The following VPS13C variants were observed in gnomAD, a reference collection of about 807,000 sequenced individuals.
VPS13C encodes vacuolar protein sorting 13 homolog C.
A neutral mutation model predicts 456.8 loss-of-function variants in VPS13C; 358 were observed. The ratio of observed to expected loss-of-function variants is 0.78; its 90% CI spans 0.72 to 0.86. The LOEUF is 0.86. VPS13C is among the 40% of genes least tolerant of loss of function. The pLI is 0.00. For synonymous variants in VPS13C, 1,578 were observed against 1,486.7 expected (o/e 1.06, Z -1.41); for missense variants, 4,818 against 4,385.4 (o/e 1.10, Z -2.79).
intron 6 of VPS13C, among the ~76,000 whole-genome samples, chr15:62,024,622 G>A (rs2047572674): frequency 6.6e-6 from 1 of 152,014 alleles, no homozygotes; most frequent in Non-Finnish European, 1.5e-5. Context: ...CCAGATTGAT[G>A]TCTTTTAAAA....
intron 24 of VPS13C, 56 bp from the exon 25 acceptor site, chr15:61,974,473 A>G: frequency 6.4e-7 from 1 of 1,572,164 alleles, no homozygotes; most frequent in Middle Eastern, 1.7e-4. Context: ...AAACGAGGGA[A>G]AGAATTGCAT....
At chr15:62,009,427 C>T (rs570578558) in intron 13 of VPS13C, among the ~76,000 whole-genome samples, 1 of 151,612 alleles carries the variant, frequency 6.6e-6, no homozygotes, top group African/African-American at 2.4e-5. Context: ...GCAGTTCTAA[C>T]TAAAGGTTAC....
At position 61,964,747 on chromosome 15, in the gene VPS13C, C is replaced by T. The variant is rs369193687; in HGVS notation, c.3166G>A (p.Val1056Ile). ...TGTTGTTTTTCAGTTGAAATTTGTA[C>T]CTCCTTAGCAACACTTATGCTTTGA... ...DDQSISVAKEVQISTEKQQKN... is the reference protein window; with the variant it reads ...DDQSISVAKEIQISTEKQQKN... Residue 1056 changes from valine to isoleucine, a missense_variant, in exon 31 of 85, where the codon GTA becomes ATA. Physicochemically the swap from Val to Ile is conservative, Grantham distance 29 (BLOSUM62 3). Coordinates refer to ENST00000644861, the MANE Select transcript of VPS13C (RefSeq NM_020821.3). 1.5e-5 allele frequency: 24 copies of T among 1,610,326 alleles called. No homozygotes were observed. Among genetic ancestry groups the T allele is most frequent in the Non-Finnish European group, 1.9e-5 (22 of 1,178,272 alleles).
intron 54 of VPS13C, 84 bp from the exon 55 acceptor site, chr15:61,922,117 A>C (rs1171224880): frequency 7.2e-7 from 1 of 1,394,222 alleles, no homozygotes; most frequent in Non-Finnish European, 1.0e-6. Context: ...TTATTAAGTA[A>C]TCAATGTTAT....
At chr15:61,973,967 T>C (rs2045630222) in intron 25 of VPS13C, among the ~76,000 whole-genome samples, 1 of 152,178 alleles carries the variant, frequency 6.6e-6, no homozygotes, top group Admixed American at 6.5e-5. Flanking sequence ...GAGCTGGCTT[T>C]ATCAAATTTC....
chr15:61,943,751 G>A (rs547354820), intron 45 of VPS13C, among the ~76,000 whole-genome samples: 5 of 151,862 alleles, frequency 3.3e-5, no homozygotes, highest in Non-Finnish European at 7.4e-5. Flanking sequence ...ATGACTAAGT[G>A]CTTAAAAGCA....
intron 9 of VPS13C, among the ~76,000 whole-genome samples, chr15:62,019,230 A>C (rs999905005): frequency 3.3e-5 from 5 of 151,958 alleles, no homozygotes; most frequent in African/African-American, 9.7e-5. Context: ...TGATCTTTTC[A>C]AAAAACCAGC....
intron 47 of VPS13C, among the ~76,000 whole-genome samples, 200 bp from the exon 48 acceptor site, chr15:61,936,950 T>TCCAG (rs2044246987): frequency 6.6e-6 from 1 of 152,188 alleles, no homozygotes; most frequent in African/African-American, 2.4e-5. Context: ...TTCGCCCATA[T>TCCAG]CCAGGCCCCT....
intron 11 of VPS13C, 54 bp downstream of exon 11, chr15:62,012,985 A>G (rs1038465085): frequency 9.2e-6 from 13 of 1,412,234 alleles, no homozygotes; most frequent in Non-Finnish European, 1.2e-5. Context: ...CTTATATTAA[A>G]CAAATTTAGG....
At chr15:61,958,442 A>G (rs1469501957) in intron 37 of VPS13C, among the ~76,000 whole-genome samples, 166 bp downstream of exon 37, 2 of 152,152 alleles carry the variant, frequency 1.3e-5, no homozygotes, top group African/African-American at 4.8e-5. Flanking sequence ...AAGAGAGTCA[A>G]TCATCTCCAA....
chr15:61,919,777 G>T (rs12911564), intron 57 of VPS13C, among the ~76,000 whole-genome samples: 1 of 148,172 alleles, frequency 6.7e-6, no homozygotes, highest in African/African-American at 2.5e-5. Context: ...TCTCTCCTCA[G>T]TAAACTCCTA....
At position 61,972,777 on chromosome 15, in the gene VPS13C, G is replaced by T. The variant is rs745571743; in HGVS notation, c.2618-13C>A. The T allele has an allele frequency of 2.5e-6, 4 of 1,600,936 alleles. No individual in the cohort carries two copies. The highest frequency in any genetic ancestry group is 1.3e-5 in the African/African-American group (1 of 74,440). On this transcript the variant is annotated splice_polypyrimidine_tract_variant and intron_variant, in intron 26 of 84. Coordinates refer to ENST00000644861, the MANE Select transcript of VPS13C (RefSeq NM_020821.3). The stretch of plus-strand genomic sequence containing the variant: ...TCATCATCAGACTCTAAAGGAAAAA[G>T]ACATTTATTTGATCTGAGACAATGT...
rs139450049 is a variant in VPS13C, at chr15:62,014,281, G to A, written c.685-289C>T. 1.3e-3 allele frequency among the ~76,000 whole-genome samples: 191 copies of A among 152,180 alleles called. 4 individuals are homozygous for A. The East Asian group carries it at 0.023, about 18-fold the overall frequency. On this transcript the variant is annotated intron_variant, in intron 9 of 84. Coordinates refer to ENST00000644861, the MANE Select transcript of VPS13C (RefSeq NM_020821.3). ...AGGTATGAATGAAAACAGAGAGCCA[G>A]CCTATACACTATTGAATATGGTATA... is the stretch of plus-strand genomic sequence containing the variant.
intron 84 of VPS13C, 61 bp from the exon 85 acceptor site, chr15:61,854,619 G>A: frequency 6.4e-7 from 1 of 1,551,158 alleles, no homozygotes; most frequent in Non-Finnish European, 8.9e-7. Flanking sequence ...TTGGTTGAAG[G>A]GAAAGGTATG....
chr15:61,868,003 A>G (rs1894711879), intron 81 of VPS13C: 1 of 1,187,260 alleles, frequency 8.4e-7, no homozygotes, highest in African/African-American at 1.5e-5. Flanking sequence ...AAAGATAGAT[A>G]AAACGTAATC....
chr15:62,011,323 T>C (rs573988423), intron 12 of VPS13C, among the ~76,000 whole-genome samples: 4 of 152,162 alleles, frequency 2.6e-5, no homozygotes, highest in Non-Finnish European at 2.9e-5. Flanking sequence ...AAGAATGAAA[T>C]TGTAGATTTT....
chr15:62,017,590 A>G (rs560530951), intron 9 of VPS13C, among the ~76,000 whole-genome samples: 438 of 152,058 alleles, frequency 2.9e-3, no homozygotes, highest in Non-Finnish European at 5.0e-3. Context: ...AAGATCAGAT[A>G]GTTGTAGATG....
chr15:61,909,339 C>G (rs1276773450), intron 64 of VPS13C, among the ~76,000 whole-genome samples: 1 of 152,186 alleles, frequency 6.6e-6, no homozygotes, highest in African/African-American at 2.4e-5. Context: ...TTCCGAATAG[C>G]TGGGATTACA....
At chr15:61,900,820 G>T (rs1364735665) in intron 66 of VPS13C, among the ~76,000 whole-genome samples, 3 of 151,734 alleles carry the variant, frequency 2.0e-5, no homozygotes, top group Admixed American at 6.6e-5. Context: ...TAAGCCAAAA[G>T]AACAAAGCTG....
Sources: allele counts gnomAD v4.1 joint callset (sites outside exome capture counted in the v4.1 genomes callset), GRCh38; gene constraint gnomAD v4.1.1; transcripts MANE v1.5; gene names NCBI Gene and HGNC (gene_info 2026-07-23, HGNC 2026-07-21).